Variants in ZNF695 observed in about 807,000 individuals in gnomAD.
ZNF695 encodes the protein zinc finger protein 695.
Under a neutral mutation model 11.2 loss-of-function variants are expected in ZNF695, and 11 were observed. That is an observed-to-expected ratio of 0.98 (90% confidence interval 0.62 to 1.62). ZNF695 has a LOEUF of 1.62. ZNF695 is among the 40% of genes most tolerant of loss of function. The pLI, the probability that ZNF695 is intolerant of heterozygous loss-of-function variation, is 0.00. For synonymous variants in ZNF695, 190 were observed against 201.4 expected, an observed-to-expected ratio of 0.94 and a Z score of 0.48; for missense variants, 559 against 590.5, an observed-to-expected ratio of 0.95 and a Z score of 0.55.
chr1:247,007,445 G>C (rs1362973042), intron 1 of ZNF695, among the ~76,000 whole-genome samples: 1 of 135,600 alleles, frequency 7.4e-6, no homozygotes, highest in Non-Finnish European at 1.5e-5. Context: ...GCGGTGAGCC[G>C]AGATCGAGCC....
chr1:246,971,505 G>C (rs532287139), intron 4 of ZNF695, among the ~76,000 whole-genome samples: 71 of 152,200 alleles, frequency 4.7e-4, no homozygotes, highest in African/African-American at 1.6e-3. Context: ...GCTAAGTAAC[G>C]GGAGCCTTCC....
rs1422504854 is a variant in ZNF695 at position 246,986,330 on chromosome 1, A to G, written c.*637T>C. 10 of 976,682 alleles carry G rather than the reference A, an allele frequency of 1.0e-5. No homozygotes were observed. Among genetic ancestry groups the G allele is most frequent in the Middle Eastern group, 5.3e-4 (1 of 1,898 alleles). 60.5% of individuals were successfully genotyped at this position (976,682 alleles called of 1,614,324 possible). A position where few individuals can be genotyped will look rare whatever the true frequency, so the allele number is the denominator to read the frequency against. On this transcript the variant is annotated 3_prime_UTR_variant, in exon 4 of 4. Transcript: ENST00000339986. ...CAATCCCCCGACCTCGGCATCCAAA[A>G]GTGCAGCAACTATAGGAAAGAGCCA...
intron 5 of ZNF695, among the ~76,000 whole-genome samples, chr1:246,959,571 C>A (rs1007419081): frequency 6.7e-6 from 1 of 148,986 alleles, no homozygotes; most frequent in Non-Finnish European, 1.5e-5. Flanking sequence ...GGACTACAGG[C>A]GAGCGCCACC....
In ZNF695 at chr1:247,008,016, C is replaced by A; in HGVS notation, c.-108G>T. Reference sequence around the variant, plus strand: ...TCACCCGGGACTCTCCGAGAGGCAGCAGACGGGAACCCAGCACCCCGCCGG... The same window carrying A: ...TCACCCGGGACTCTCCGAGAGGCAGAAGACGGGAACCCAGCACCCCGCCGG... On this transcript the variant is annotated 5_prime_UTR_variant, in exon 1 of 4. Coordinates refer to ENST00000339986, the MANE Select transcript of ZNF695 (RefSeq NM_020394.5). The A allele has an allele frequency of 7.9e-7, 1 of 1,270,974 alleles. No individual in the cohort carries two copies. Among genetic ancestry groups the A allele is most frequent in the Non-Finnish European group, 1.0e-6 (1 of 969,914 alleles). The allele number at this position is 1,270,974 out of a possible 1,614,324, so 78.7% of individuals were successfully genotyped here. A position where few individuals can be genotyped will look rare whatever the true frequency, so the allele number is the denominator to read the frequency against.
Position 246,980,197 on chromosome 1 carries a change from A to C in ZNF695, c.390+7928T>G, listed in dbSNP as rs540079527. On this transcript the variant is annotated intron_variant, in intron 4 of 5. Coordinates refer to the ZNF695 transcript ENST00000487338. ...TGTATTTAAAAAAAAAAAAAAAAAA[A>C]AAAAAAACTTATGCTGTGTTTGAAT... Among the ~76,000 whole-genome samples the C allele has an allele frequency of 2.6e-5, 4 of 151,088 alleles. No individual in the cohort carries two copies. In the South Asian group the frequency reaches 6.3e-4, roughly 24 times the overall value.
intron 5 of ZNF695, among the ~76,000 whole-genome samples, chr1:246,960,659 G>T (rs1668140778): frequency 6.6e-6 from 1 of 152,158 alleles, no homozygotes; most frequent in Non-Finnish European, 1.5e-5. Flanking sequence ...AATGGTACAG[G>T]CCAGGCATGG....
At chr1:246,995,658 C>T (rs1367736975) in intron 3 of ZNF695, among the ~76,000 whole-genome samples, 1 of 151,542 alleles carries the variant, frequency 6.6e-6, no homozygotes, top group African/African-American at 2.4e-5. Context: ...GGTGAAACCC[C>T]GTCTCTACTA....
At chr1:246,985,170 T>G (rs945092043), downstream of ZNF695, among the ~76,000 whole-genome samples, 4 of 152,188 alleles carry the variant, frequency 2.6e-5, no homozygotes, top group Non-Finnish European at 4.4e-5. Flanking sequence ...CACCTAACAT[T>G]TATCCTTAGA....
intron 3 of ZNF695, among the ~76,000 whole-genome samples, chr1:246,989,190 G>A (rs182374023): frequency 1.1e-4 from 17 of 152,134 alleles, no homozygotes; most frequent in African/African-American, 3.4e-4. Context: ...GCTTGAACCC[G>A]GGAGGTGGAG....
chr1:246,974,881 A>T (rs916861780), intron 4 of ZNF695, among the ~76,000 whole-genome samples: 1 of 152,112 alleles, frequency 6.6e-6, no homozygotes, highest in Non-Finnish European at 1.5e-5. Flanking sequence ...TTTCGGGAAC[A>T]TGGCCAGCTT....
intron 4 of ZNF695, among the ~76,000 whole-genome samples, chr1:246,974,738 G>A (rs1668515206): frequency 6.6e-6 from 1 of 152,192 alleles, no homozygotes; most frequent in African/African-American, 2.4e-5. Context: ...AGGACTCTGA[G>A]GTAGAAATAA....
Position 246,954,143 on chromosome 1 carries a change from G to A in ZNF695, c.489-8316C>T, listed in dbSNP as rs536471352. On this transcript the variant is annotated intron_variant, in intron 5 of 5. Transcript: ENST00000487338. ...CAGGGACACTGGCACATGAATGAACGAATGACTTCAGTTTGTCCTCAACTG... is the reference window on the plus strand; with the variant it reads ...CAGGGACACTGGCACATGAATGAACAAATGACTTCAGTTTGTCCTCAACTG... Among the ~76,000 whole-genome samples, 6 of 152,210 alleles carry A rather than the reference G, an allele frequency of 3.9e-5. No homozygotes were observed. The South Asian group carries it at 6.2e-4, about 16-fold the overall frequency.
chr1:246,996,398 G>A (rs1021650325), intron 3 of ZNF695, among the ~76,000 whole-genome samples: 1 of 151,886 alleles, frequency 6.6e-6, no homozygotes, highest in Non-Finnish European at 1.5e-5. Context: ...AAGAAATCGA[G>A]ATGTCTCAAA....
rs763975918 is a variant in ZNF695 at position 246,999,992 on chromosome 1, T to C, written c.86A>G (p.Tyr29Cys). The change falls in exon 2 of 4, where the codon TAT becomes TGT. Residue 29 changes from tyrosine (Y) to cysteine (C), a missense_variant. Transcript: ENST00000339986. ...ECLDPAQRSLYRDVMLENYRN... is the reference protein window; with the variant it reads ...ECLDPAQRSLCRDVMLENYRN... ...GTAGTTCTCTAACATCACATCCCTA[T>C]ACAAACTCCGCTGAGCTGGGTCCAG... The C allele has an allele frequency of 7.4e-6, 12 of 1,614,028 alleles. No individual in the cohort carries two copies. The highest frequency in any genetic ancestry group is 3.3e-5 in the South Asian group (3 of 91,082).
chr1:246,954,609 T>C (rs1262037900), intron 5 of ZNF695, among the ~76,000 whole-genome samples: 1 of 152,194 alleles, frequency 6.6e-6, no homozygotes, highest in Admixed American at 6.5e-5. Flanking sequence ...GGCTTCTATA[T>C]ATGGAAACCA....
chr1:246,947,543 G>C (rs1429748796), intron 5 of ZNF695, among the ~76,000 whole-genome samples: 1 of 152,152 alleles, frequency 6.6e-6, no homozygotes, highest in Non-Finnish European at 1.5e-5. Flanking sequence ...TCCACACAGG[G>C]CAGAGTACAA....
rs1167883213 is a variant in ZNF695, at chr1:246,977,417, T to C, written c.391-9625A>G. On this transcript the variant is annotated intron_variant, in intron 4 of 5. Transcript: ENST00000487338. ...GACTACGGGTGCCCGCCACCATACC[T>C]GGCTAATTTTTGTTGTTTTTAGTAG... 2.6e-5 allele frequency among the ~76,000 whole-genome samples: 4 copies of C among 152,202 alleles called. No individual in the cohort carries two copies. The East Asian group carries it at 7.7e-4, about 29-fold the overall frequency.
chr1:247,004,963 G>A (rs1444009766), intron 1 of ZNF695, among the ~76,000 whole-genome samples: 1 of 152,160 alleles, frequency 6.6e-6, no homozygotes. Flanking sequence ...CTGTGTTCAT[G>A]GATTGGAAGA....
chr1:246,986,126 G>A lies in ZNF695; in HGVS notation c.*841C>T. Reference sequence around the variant, plus strand: ...GCTCTGTTGCCCAGGCAGGAGTGAAGTTGCCAGATAGCAGCTCACTGCATC... The same window carrying A: ...GCTCTGTTGCCCAGGCAGGAGTGAAATTGCCAGATAGCAGCTCACTGCATC... On this transcript the variant is annotated 3_prime_UTR_variant, in exon 4 of 4. Transcript: ENST00000339986. The A allele has an allele frequency of 2.4e-6, 2 of 845,896 alleles. No homozygotes were observed. The highest frequency in any genetic ancestry group is 2.8e-6 in the Non-Finnish European group (2 of 702,822). 52.4% of individuals were successfully genotyped at this position (845,896 alleles called of 1,614,324 possible).
Sources: allele counts gnomAD v4.1 joint callset (sites outside exome capture counted in the v4.1 genomes callset), GRCh38; gene constraint gnomAD v4.1.1; transcripts MANE v1.5; gene names NCBI Gene and HGNC (gene_info 2026-07-23, HGNC 2026-07-21).